SAMHD1: variants seen among roughly 807,000 people sequenced by gnomAD.
SAMHD1 encodes deoxynucleoside triphosphate triphosphohydrolase SAMHD1.
A neutral mutation model predicts 79.6 loss-of-function variants in SAMHD1; 54 were observed. The observed-to-expected ratio is 0.68, with a 90% CI of 0.55 to 0.85. The LOEUF is 0.85. Among genes scored for constraint, SAMHD1 ranks in the 40% least tolerant of loss-of-function variants. The pLI is 0.00. For missense variants in SAMHD1, 663 were observed against 782.7 expected (o/e 0.85, Z 1.82); for synonymous variants, 260 against 264.1 (o/e 0.98, Z 0.15).
At chr20:36,934,315 G>A (rs1395802129) in intron 4 of SAMHD1, among the ~76,000 whole-genome samples, 1 of 151,372 alleles carries the variant, frequency 6.6e-6, no homozygotes, top group Non-Finnish European at 1.5e-5. Context: ...CACAAGGTCA[G>A]GAGATCAAGA....
rs780504624 is a variant in SAMHD1 at position 36,919,363 on chromosome 20, C to A, written c.852+1G>T. On this transcript the variant is annotated splice_donor_variant, in intron 7 of 15. Coordinates refer to ENST00000646673, the MANE Select transcript of SAMHD1 (RefSeq NM_015474.4). LOFTEE classifies it high-confidence loss of function. ...TAAAATTAAGCTGTACATAAACTTA[C>A]CAATGAATCTTCGACAGGTGATTCA... The A allele has an allele frequency of 1.9e-6, 3 of 1,613,150 alleles. No individual in the cohort carries two copies. The highest frequency in any genetic ancestry group is 2.5e-6 in the Non-Finnish European group (3 of 1,179,486).
At chr20:36,934,492 C>CA (rs1487997136) in intron 4 of SAMHD1, among the ~76,000 whole-genome samples, 2 of 126,750 alleles carry the variant, frequency 1.6e-5, no homozygotes, top group Non-Finnish European at 3.2e-5. Flanking sequence ...CACTGCACTC[C>CA]AGCCTAGTGA....
At chr20:36,921,600 A>C (rs890736464) in intron 6 of SAMHD1, among the ~76,000 whole-genome samples, 4 of 151,676 alleles carry the variant, frequency 2.6e-5, no homozygotes, top group African/African-American at 9.7e-5. Flanking sequence ...TTGGAGACAG[A>C]GTCTAGCTCT....
chr20:36,931,541 G>A (rs1184697465), intron 4 of SAMHD1, among the ~76,000 whole-genome samples: 1 of 152,094 alleles, frequency 6.6e-6, no homozygotes, highest in Non-Finnish European at 1.5e-5. Context: ...GGAGGCTGAG[G>A]CAGGAGAATT....
At position 36,946,772 on chromosome 20, in the gene SAMHD1, G is replaced by A; in HGVS notation, c.241C>T (p.Leu81Phe). The change falls in exon 2 of 16, where the codon CTT (leucine) becomes TTT (phenylalanine). Residue 81 changes from leucine to phenylalanine, a missense_variant. Transcript: ENST00000646673. Reference protein sequence around the residue: ...NEITGALLPCLDESRFENLGV... With the variant: ...NEITGALLPCFDESRFENLGV... ...AGATTTTCAAAACGAGACTCATCAA[G>A]ACAAGGCAGTAATGCGCCTGTGATT... The A allele has an allele frequency of 6.2e-7, 1 of 1,613,246 alleles. No individual in the cohort carries two copies. Among genetic ancestry groups the A allele is most frequent in the Non-Finnish European group, 8.5e-7 (1 of 1,179,454 alleles).
At chr20:36,923,458 A>T (rs1568772909) in intron 6 of SAMHD1, among the ~76,000 whole-genome samples, 2 of 152,074 alleles carry the variant, frequency 1.3e-5, no homozygotes, top group South Asian at 2.1e-4. Context: ...ATAAATAAAT[A>T]AAGTAAGGGA....
At chr20:36,921,703 G>T (rs1272053574) in intron 6 of SAMHD1, among the ~76,000 whole-genome samples, 45 of 139,172 alleles carry the variant, frequency 3.2e-4, no homozygotes, top group African/African-American at 7.4e-4. Flanking sequence ...TTTTGTGGTT[G>T]TTTTTTTTTT....
At chr20:36,913,104 C>A (rs2063455269) in intron 9 of SAMHD1, among the ~76,000 whole-genome samples, 2 of 148,214 alleles carry the variant, frequency 1.3e-5, no homozygotes, top group South Asian at 4.3e-4. Flanking sequence ...TCATGCCATT[C>A]TCCCGCCTCA....
chr20:36,919,517 A>T lies in SAMHD1; in HGVS notation c.699T>A (p.His233Gln). The change falls in exon 7 of 16, where the codon CAT (histidine) becomes CAA (glutamine). Residue 233 changes from histidine (H) to glutamine (Q), a missense_variant and splice_region_variant. His to Gln is a conservative substitution (Grantham distance 24, BLOSUM62 0). Coordinates refer to ENST00000646673, the MANE Select transcript of SAMHD1 (RefSeq NM_015474.4). ...CAAACATCATAACTGAGCCTTGTTC[A>T]TGCTAGGAAAAGTAAGCACAATATG... ...PLARPEVKWT[H>Q]EQGSVMMFEH... is the part of the protein sequence containing the mutation. 1 of 1,613,304 alleles carries T rather than the reference A, an allele frequency of 6.2e-7. No individual in the cohort carries two copies. Among genetic ancestry groups the T allele is most frequent in the South Asian group, 1.1e-5 (1 of 91,036 alleles).
At chr20:36,931,862 G>A (rs1409182900) in intron 4 of SAMHD1, among the ~76,000 whole-genome samples, 1 of 151,962 alleles carries the variant, frequency 6.6e-6, no homozygotes, top group Admixed American at 6.6e-5. Flanking sequence ...AAGAAATACT[G>A]ACACATGCTA....
chr20:36,943,733 G>A (rs2063663333), intron 2 of SAMHD1, among the ~76,000 whole-genome samples: 1 of 152,122 alleles, frequency 6.6e-6, no homozygotes, highest in Admixed American at 6.6e-5. Context: ...TTATGTACAA[G>A]AAACAAGTAG....
At chr20:36,904,366 TAACAA>T in intron 12 of SAMHD1, 117 bp from the exon 13 acceptor site, 2 of 763,916 alleles carry the variant, frequency 2.6e-6, no homozygotes, top group East Asian at 5.1e-5. Context: ...GAGATATCCT[TAACAA>T]ATATAGCTCC....
chr20:36,899,523 T>G (rs1035898252), intron 13 of SAMHD1, among the ~76,000 whole-genome samples: 1 of 152,166 alleles, frequency 6.6e-6, no homozygotes, highest in Non-Finnish European at 1.5e-5. Flanking sequence ...CAACCACAGT[T>G]GAAAAGCAAA....
At chr20:36,910,466 A>C (rs2063431494) in intron 11 of SAMHD1, among the ~76,000 whole-genome samples, 1 of 152,064 alleles carries the variant, frequency 6.6e-6, no homozygotes, top group Admixed American at 6.6e-5. Context: ...GTAGTGGCTC[A>C]CGTCTGTAAT....
chr20:36,904,698 C>A, intron 12 of SAMHD1: 1 of 188,232 alleles, frequency 5.3e-6, no homozygotes, highest in South Asian at 9.8e-5. Context: ...ACCTGGGTGA[C>A]AGAGCGAGAC....
At chr20:36,925,966 G>A (rs1230584026) in intron 6 of SAMHD1, among the ~76,000 whole-genome samples, 1 of 151,804 alleles carries the variant, frequency 6.6e-6, no homozygotes, top group Non-Finnish European at 1.5e-5. Context: ...TAGCTCCTCG[G>A]TATTTACCTA....
chr20:36,907,848 A>AT (rs545877485), intron 11 of SAMHD1, among the ~76,000 whole-genome samples: 39 of 149,848 alleles, frequency 2.6e-4, no homozygotes, highest in Non-Finnish European at 4.2e-4. Flanking sequence ...AGCTTGTTCA[A>AT]TTTTTTTTTT....
intron 13 of SAMHD1, among the ~76,000 whole-genome samples, chr20:36,903,539 A>AT (rs1047069035): frequency 1.4e-5 from 2 of 145,372 alleles, no homozygotes; most frequent in African/African-American, 5.2e-5. Context: ...GTGCCCAGCA[A>AT]TTTTTTTTTT....
chr20:36,941,148 T>TAAGCAAATAA, intron 2 of SAMHD1, 37 bp from the exon 3 acceptor site: 2 of 1,395,846 alleles, frequency 1.4e-6, no homozygotes, highest in Non-Finnish European at 2.0e-6. Flanking sequence ...CTATCATTAT[T>TAAGCAAATAA]TGCTTAATAA....
Sources: gnomAD v4.1 joint callset for allele counts (sites outside exome capture counted in the v4.1 genomes callset) on GRCh38, gnomAD v4.1.1 for gene constraint, MANE v1.5 for transcripts, NCBI Gene and HGNC (gene_info 2026-07-23, HGNC 2026-07-21) for gene names.